Variants in SCTR observed in about 807,000 individuals in gnomAD.
SCTR encodes the protein pancreatic secretin receptor.
In SCTR, 56 loss-of-function variants were observed where a neutral mutation model predicts 60.8. The observed-to-expected ratio is 0.92, with a 90% CI of 0.74 to 1.15. SCTR has a LOEUF of 1.15. SCTR is among the 50% of genes most tolerant of loss of function. The pLI is 0.00. For missense variants in SCTR, 562 were observed against 550.4 expected (o/e 1.02, Z -0.21); for synonymous variants, 202 against 217.0 (o/e 0.93, Z 0.61).
At chr2:119,474,230 T>G (rs777796089) in intron 3 of SCTR, among the ~76,000 whole-genome samples, 1 of 152,210 alleles carries the variant, frequency 6.6e-6, no homozygotes, top group Non-Finnish European at 1.5e-5. Flanking sequence ...CCCCAGTGCC[T>G]GGCCCAGAGC....
intron 11 of SCTR, among the ~76,000 whole-genome samples, chr2:119,442,657 T>A (rs944910216): frequency 6.6e-6 from 1 of 152,186 alleles, no homozygotes; most frequent in African/African-American, 2.4e-5. Flanking sequence ...GACTGCTACA[T>A]AGACTGGGGA....
At chr2:119,492,844 T>G (rs1272713259) in intron 2 of SCTR, among the ~76,000 whole-genome samples, 1 of 137,900 alleles carries the variant, frequency 7.3e-6, no homozygotes, top group Non-Finnish European at 1.6e-5. Context: ...ATTTATTTAT[T>G]TATTTATTTA....
chr2:119,465,903 G>A lies in SCTR; in HGVS notation c.406-17C>T, dbSNP rs949189295. 1 of 1,585,572 alleles carries A rather than the reference G, an allele frequency of 6.3e-7. No homozygotes were observed. Among genetic ancestry groups the A allele is most frequent in the Non-Finnish European group, 8.7e-7 (1 of 1,154,170 alleles). ...GTAGGAGTGCTGCAGAGAGAGGCAC[G>A]TGTCAGCCCCGCCGGCCCTCCTGGC... On this transcript the variant is annotated splice_polypyrimidine_tract_variant and intron_variant, in intron 4 of 12. Transcript: ENST00000019103.
At chr2:119,523,536 C>T (rs755252027) in intron 1 of SCTR, among the ~76,000 whole-genome samples, 8 of 151,752 alleles carry the variant, frequency 5.3e-5, no homozygotes, top group Non-Finnish European at 1.0e-4. Flanking sequence ...GCATCCCACA[C>T]GAGACGGTGT....
At chr2:119,472,070 C>T (rs984687884) in intron 4 of SCTR, among the ~76,000 whole-genome samples, 5 of 152,194 alleles carry the variant, frequency 3.3e-5, no homozygotes, top group Non-Finnish European at 4.4e-5. Context: ...GATTTGTCAC[C>T]GTGATTTTGC....
At chr2:119,518,229 G>A (rs1338141889) in intron 1 of SCTR, among the ~76,000 whole-genome samples, 1 of 152,198 alleles carries the variant, frequency 6.6e-6, no homozygotes, top group Admixed American at 6.5e-5. Flanking sequence ...GACTAAGACA[G>A]ACGGGAAGGA....
intron 1 of SCTR, among the ~76,000 whole-genome samples, chr2:119,511,359 T>C (rs998467462): frequency 6.6e-6 from 1 of 152,254 alleles, no homozygotes; most frequent in Admixed American, 6.5e-5. Flanking sequence ...CATATACTAA[T>C]CTTCATTTCA....
chr2:119,517,509 T>C (rs995338382), intron 1 of SCTR, among the ~76,000 whole-genome samples: 32 of 152,158 alleles, frequency 2.1e-4, no homozygotes, highest in African/African-American at 6.5e-4. Flanking sequence ...CCAGTGAATG[T>C]GGCAAATCGA....
At chr2:119,447,848 T>A (rs6542531) in intron 10 of SCTR, among the ~76,000 whole-genome samples, 136,012 of 152,266 alleles carry the variant, frequency 0.89, 60,948 homozygotes, top group African/African-American at 0.96. Flanking sequence ...CTGGGATTAT[T>A]GGTGTGAGCC....
chr2:119,444,151 TTATA>T (rs147516656), intron 11 of SCTR, among the ~76,000 whole-genome samples: 8 of 139,602 alleles, frequency 5.7e-5, no homozygotes, highest in South Asian at 4.3e-4. Flanking sequence ...ATACATATTC[TTATA>T]TATATATACA....
chr2:119,471,984 C>A (rs1677036610), intron 4 of SCTR, among the ~76,000 whole-genome samples: 1 of 152,150 alleles, frequency 6.6e-6, no homozygotes, highest in South Asian at 2.1e-4. Flanking sequence ...AGTGCACAAA[C>A]AAATATTTAT....
At chr2:119,490,687 C>A (rs533381676) in intron 2 of SCTR, among the ~76,000 whole-genome samples, 2 of 152,352 alleles carry the variant, frequency 1.3e-5, no homozygotes, top group East Asian at 3.9e-4. Context: ...AGTGTCCCCA[C>A]CCACACAGCT....
intron 8 of SCTR, among the ~76,000 whole-genome samples, chr2:119,452,789 TCTC>T (rs1683223889): frequency 6.6e-6 from 1 of 152,080 alleles, no homozygotes; most frequent in Admixed American, 6.6e-5. Flanking sequence ...CCCTGCTGCC[TCTC>T]CTCTTCCCCA....
chr2:119,448,745 G>T lies in SCTR; in HGVS notation c.957C>A (p.Ile319=). ...CTTGGGTTCTAAGTTTTCTCATCAG[G>T]ATTCTTAGAATGTTTATGAAAAGGA... The part of the protein sequence containing the change: ...NFILFINILR[I]LMRKLRTQET... The change falls in exon 10 of 13, where the codon ATC becomes ATA. Residue 319 remains isoleucine, a synonymous_variant. Coordinates refer to ENST00000019103, the MANE Select transcript of SCTR (RefSeq NM_002980.3). 6.2e-7 allele frequency: 1 copy of T among 1,601,988 alleles called. No homozygotes were observed. The highest frequency in any genetic ancestry group is 8.6e-7 in the Non-Finnish European group (1 of 1,168,992).
At chr2:119,460,345 G>A (rs1457873422) in intron 7 of SCTR, among the ~76,000 whole-genome samples, 1 of 152,032 alleles carries the variant, frequency 6.6e-6, no homozygotes, top group Admixed American at 6.6e-5. Context: ...ACTCCTTAGG[G>A]TAACGTTCAT....
chr2:119,460,472 A>ATGGATGGT (rs1265341518), intron 7 of SCTR, among the ~76,000 whole-genome samples: 24 of 147,802 alleles, frequency 1.6e-4, no homozygotes, highest in African/African-American at 5.9e-4. Flanking sequence ...GGATGGATGG[A>ATGGATGGT]TGGGTGTTAA....
At position 119,446,873 on chromosome 2, in the gene SCTR, C is replaced by T. The variant is rs1573790265; in HGVS notation, c.1026G>A (p.Arg342=). The T allele has an allele frequency of 1.3e-6, 2 of 1,547,480 alleles. No individual in the cohort carries two copies. ...AGAGGGGGATCAGCAGGAGAGTGGA[C>T]CTGGCCAGGCGCCTGGGGACACAGA... ...NEVSHYKRLA[R]STLLLIPLFG... Residue 342 remains arginine, a synonymous_variant, in exon 11 of 13, where the codon AGG becomes AGA. Transcript: ENST00000019103.
chr2:119,491,579 T>G (rs1678132773), intron 2 of SCTR, among the ~76,000 whole-genome samples: 1 of 152,198 alleles, frequency 6.6e-6, no homozygotes. Flanking sequence ...TGGTGCGATC[T>G]TGGCTCACTG....
intron 1 of SCTR, among the ~76,000 whole-genome samples, chr2:119,519,173 G>T (rs182381440): frequency 6.6e-6 from 1 of 151,818 alleles, no homozygotes; most frequent in South Asian, 2.1e-4. Flanking sequence ...CATGTTGGTC[G>T]GACTGGTCTC....
Sources: allele counts gnomAD v4.1 joint callset (sites outside exome capture counted in the v4.1 genomes callset), GRCh38; gene constraint gnomAD v4.1.1; transcripts MANE v1.5; gene names NCBI Gene and HGNC (gene_info 2026-07-23, HGNC 2026-07-21).